Variants in CD300LG observed in about 807,000 individuals in gnomAD.
CD300LG encodes CMRF35-like molecule 9.
CD300LG carries 29 observed loss-of-function variants against 31.5 expected under a neutral mutation model. That is an observed-to-expected ratio of 0.92 (90% CI 0.68 to 1.25). The LOEUF (loss-of-function observed/expected upper bound fraction) is 1.25, where lower values mean the gene tolerates loss of function less well. Among genes scored for constraint, CD300LG ranks in the 50% most tolerant of loss-of-function variants. The pLI, the probability that CD300LG is intolerant of heterozygous loss-of-function variation, is 0.00. For missense variants in CD300LG, 396 were observed against 417.6 expected (o/e 0.95, Z 0.45); for synonymous variants, 175 against 177.2 (o/e 0.99, Z 0.10).
At chr17:43,858,045 C>G in intron 6 of CD300LG, 2 of 1,438,250 alleles carry the variant, frequency 1.4e-6, no homozygotes, top group Middle Eastern at 2.6e-4. Context: ...CTGGCCCCTC[C>G]TCCCTCTGCT....
At chr17:43,860,687 G>C (rs16940268) in intron 6 of CD300LG, among the ~76,000 whole-genome samples, 5,746 of 152,294 alleles carry the variant, frequency 0.038, 304 homozygotes, top group African/African-American at 0.12. Context: ...TCTCAAGAAT[G>C]TTTCATGTGT....
chr17:43,858,251 C>A, intron 6 of CD300LG: 1 of 1,064,092 alleles, frequency 9.4e-7, no homozygotes, highest in Non-Finnish European at 1.1e-6. Context: ...TCAACAGGGC[C>A]AAAGGTAGCA....
intron 6 of CD300LG, among the ~76,000 whole-genome samples, chr17:43,860,853 G>T (rs2046638304): frequency 6.6e-6 from 1 of 152,204 alleles, no homozygotes; most frequent in South Asian, 2.1e-4. Flanking sequence ...TGAGTGGTAG[G>T]ATGCTATTAT....
At chr17:43,847,365 CTCCTCAG>C in intron 1 of CD300LG, 106 bp downstream of exon 1, 1 of 1,249,384 alleles carries the variant, frequency 8.0e-7, no homozygotes, top group Non-Finnish European at 1.1e-6. Flanking sequence ...TATCCTCAGC[CTCCTCAG>C]CCCTAGGGGA....
At chr17:43,861,631 C>G (rs1264276792) in intron 6 of CD300LG, among the ~76,000 whole-genome samples, 167 bp from the exon 7 acceptor site, 1 of 152,192 alleles carries the variant, frequency 6.6e-6, no homozygotes, top group Non-Finnish European at 1.5e-5. Context: ...GAATCAAAGC[C>G]TGGGAGTTCT....
chr17:43,860,324 T>G (rs1050079498), intron 6 of CD300LG, among the ~76,000 whole-genome samples: 4 of 152,176 alleles, frequency 2.6e-5, no homozygotes, highest in Admixed American at 2.6e-4. Flanking sequence ...CTCACATAGT[T>G]GTAAATAGGA....
chr17:43,857,901 G>T (rs564250114), intron 6 of CD300LG: 22 of 1,536,440 alleles, frequency 1.4e-5, no homozygotes, highest in Middle Eastern at 3.6e-4. Flanking sequence ...AAGAGAATAA[G>T]GGTCCCTGTG....
chr17:43,847,370 C>T (rs1466968606), intron 1 of CD300LG, 111 bp downstream of exon 1: 1 of 1,217,732 alleles, frequency 8.2e-7, no homozygotes, highest in African/African-American at 1.5e-5. Context: ...TCAGCCTCCT[C>T]AGCCCTAGGG....
chr17:43,852,653 T>C lies in CD300LG; in HGVS notation c.380-259T>C, dbSNP rs564805277. Among the ~76,000 whole-genome samples the C allele has an allele frequency of 1.3e-3, 191 of 152,178 alleles. 1 individual carries two copies. Among genetic ancestry groups the C allele is most frequent in the African/African-American group, 4.5e-3 (186 of 41,520 alleles). ...GACTTTTGAGACAAAACTGGAGTAG[T>C]GTGAAGGGTGGCAGGGAAGAAGCAG... On this transcript the variant is annotated intron_variant, in intron 2 of 6. Transcript: ENST00000317310.
At position 43,852,944 on chromosome 17, in the gene CD300LG, T is replaced by A; in HGVS notation, c.412T>A (p.Phe138Ile). 3.7e-6 allele frequency: 6 copies of A among 1,613,202 alleles called. No homozygotes were observed. In the South Asian group the frequency reaches 6.6e-5, roughly 18 times the overall value. ...PCCPPSPSPTFQPLATTRLQP... is the reference protein window; with the variant it reads ...PCCPPSPSPTIQPLATTRLQP... ...CTGTCCTCCCTCCCCTTCTCCCACC[T>A]TCCAGCCTCTGGCTACAACACGCCT... is the stretch of plus-strand genomic sequence containing the variant. Residue 138 changes from phenylalanine (F) to isoleucine (I), a missense_variant, in exon 3 of 7, where the codon TTC becomes ATC. Phe to Ile is a conservative substitution (Grantham distance 21). Transcript: ENST00000317310.
In CD300LG at chr17:43,854,166, C is replaced by T. The variant is rs2046444858; in HGVS notation, c.719+122C>T. ...ACGCATCCTCTTGTCATGGCCACAG[C>T]CTGCAGCACAGAGAGTCCCTCACAG... is the stretch of plus-strand genomic sequence containing the variant. On this transcript the variant is annotated intron_variant, in intron 4 of 6. Transcript: ENST00000317310. 3 of 733,412 alleles carry T rather than the reference C, an allele frequency of 4.1e-6. No homozygotes were observed. The South Asian group carries it at 5.3e-5, about 13-fold the overall frequency. The allele number at this position is 733,412 out of a possible 1,614,324, so 45.4% of individuals were successfully genotyped here.
intron 2 of CD300LG, 169 bp downstream of exon 2, chr17:43,849,062 C>T (rs2046273256): frequency 1.6e-6 from 1 of 638,202 alleles, no homozygotes; most frequent in South Asian, 1.9e-5. Flanking sequence ...CCGCCTGAGT[C>T]TTGGCCATTG....
At chr17:43,857,057 C>G in intron 5 of CD300LG, 47 bp from the exon 6 acceptor site, 1 of 1,603,156 alleles carries the variant, frequency 6.2e-7, no homozygotes, top group Middle Eastern at 1.8e-4. Flanking sequence ...AGGCCACTCC[C>G]GGCTACTCCT....
At chr17:43,859,852 C>T (rs1484792968) in intron 6 of CD300LG, among the ~76,000 whole-genome samples, 1 of 152,222 alleles carries the variant, frequency 6.6e-6, no homozygotes, top group African/African-American at 2.4e-5. Flanking sequence ...CCCCAGAAGG[C>T]TGAAGATGTC....
At chr17:43,860,222 G>C (rs1260675984) in intron 6 of CD300LG, among the ~76,000 whole-genome samples, 1 of 152,224 alleles carries the variant, frequency 6.6e-6, no homozygotes, top group Non-Finnish European at 1.5e-5. Flanking sequence ...TCTGCAGTCA[G>C]ACAGTCTCCA....
At chr17:43,856,093 C>T (rs1197358627) in intron 5 of CD300LG, among the ~76,000 whole-genome samples, 1 of 152,202 alleles carries the variant, frequency 6.6e-6, no homozygotes, top group African/African-American at 2.4e-5. Context: ...AGGCATGAGC[C>T]ACTACGCCCA....
In CD300LG at chr17:43,863,604, T is replaced by A. The variant is rs1597731719; in HGVS notation, c.*1693T>A. On this transcript the variant is annotated 3_prime_UTR_variant, in exon 7 of 7. Transcript: ENST00000317310. ...TCTCTGTGTTTTACAGACCTTTTTATAAATAAAATGTTCATCAGCTGCATA... is the reference window on the plus strand; with the variant it reads ...TCTCTGTGTTTTACAGACCTTTTTAAAAATAAAATGTTCATCAGCTGCATA... 6.6e-6 allele frequency: 1 copy of A among 152,308 alleles called. No homozygotes were observed. Among genetic ancestry groups the A allele is most frequent in the South Asian group, 2.1e-4 (1 of 4,824 alleles). The allele number at this position is 152,308 out of a possible 1,614,324, so 9.4% of individuals were successfully genotyped here.
chr17:43,861,938 G>C lies in CD300LG; in HGVS notation c.*27G>C. The C allele has an allele frequency of 6.6e-7, 1 of 1,513,620 alleles. No individual in the cohort carries two copies. The allele number at this position is 1,513,620 out of a possible 1,614,324, so 93.8% of individuals were successfully genotyped here. A position where few individuals can be genotyped will look rare whatever the true frequency, so the allele number is the denominator to read the frequency against. ...GCAGGAGGCCCTCCTGGCCAGGCCA[G>C]CAGTGAAGCAGTATGGCTGGCTGGA... On this transcript the variant is annotated 3_prime_UTR_variant, in exon 7 of 7. Coordinates refer to ENST00000317310, the MANE Select transcript of CD300LG (RefSeq NM_145273.4).
At position 43,853,012 on chromosome 17, in the gene CD300LG, G is replaced by C. The variant is rs761211541; in HGVS notation, c.480G>C (p.Leu160Phe). Residue 160 changes from leucine to phenylalanine, a missense_variant and splice_region_variant, in exon 3 of 7, where the codon TTG (leucine) becomes TTC (phenylalanine). Leu to Phe is a conservative substitution (Grantham distance 22). Coordinates refer to ENST00000317310, the MANE Select transcript of CD300LG (RefSeq NM_145273.4). ...CTCAGCAAACCCAGCCCCCAGGATT[G>C]AGTGAGTGAATGGCAATTCCGCCCC... ...AKAQQTQPPG[L>F]TSPGLYPAAT... The C allele has an allele frequency of 2.3e-5, 37 of 1,608,814 alleles. 1 individual carries two copies. The South Asian group carries it at 4.0e-4, about 17-fold the overall frequency.
Sources: allele counts gnomAD v4.1 joint callset (sites outside exome capture counted in the v4.1 genomes callset), GRCh38; gene constraint gnomAD v4.1.1; transcripts MANE v1.5; gene names NCBI Gene and HGNC (gene_info 2026-07-23, HGNC 2026-07-21).